Variants in ZFHX3 observed in about 807,000 individuals in gnomAD.
ZFHX3 encodes the protein zinc finger homeobox protein 3.
A neutral mutation model predicts 279.1 loss-of-function variants in ZFHX3; 42 were observed. The ratio of observed to expected loss-of-function variants is 0.15; its 90% CI spans 0.12 to 0.19. The LOEUF (loss-of-function observed/expected upper bound fraction) is 0.19, where lower values mean the gene tolerates loss of function less well. Ranked by LOEUF, ZFHX3 falls within the 10% of genes least tolerant of loss-of-function variation. The pLI is 1.00. For missense variants in ZFHX3, 4,981 were observed against 4,754.0 expected (o/e 1.05, Z -1.40); for synonymous variants, 2,293 against 1,957.8 (o/e 1.17, Z -4.52).
intron 7 of ZFHX3, among the ~76,000 whole-genome samples, chr16:73,127,972 G>T (rs1966601242): frequency 6.6e-6 from 1 of 152,182 alleles, no homozygotes; most frequent in Admixed American, 6.5e-5. Context: ...CAACCTTCCT[G>T]TTCTTTGCTT....
chr16:73,040,977 G>A (rs1333982957), intron 1 of ZFHX3, among the ~76,000 whole-genome samples: 1 of 152,230 alleles, frequency 6.6e-6, no homozygotes, highest in African/African-American at 2.4e-5. Context: ...GGCCTCAGCA[G>A]AGGGTGTAAG....
intron 3 of ZFHX3, among the ~76,000 whole-genome samples, chr16:73,428,747 C>A (rs2017857383): frequency 6.6e-6 from 1 of 152,202 alleles, no homozygotes; most frequent in Non-Finnish European, 1.5e-5. Flanking sequence ...CCACGCTCTC[C>A]ATTGAAGCTC....
At chr16:73,837,635 CT>C (rs1215061119) in intron 1 of ZFHX3, among the ~76,000 whole-genome samples, 1 of 152,004 alleles carries the variant, frequency 6.6e-6, no homozygotes, top group Non-Finnish European at 1.5e-5. Context: ...CTTTTCTTTT[CT>C]TTTCTTTTCT....
intron 1 of ZFHX3, among the ~76,000 whole-genome samples, chr16:73,031,182 A>T (rs1964683570): frequency 6.6e-6 from 1 of 152,248 alleles, no homozygotes; most frequent in Non-Finnish European, 1.5e-5. Context: ...AACGAACTCA[A>T]GTTCTATAAA....
intron 1 of ZFHX3, among the ~76,000 whole-genome samples, chr16:73,755,646 T>G (rs1475248346): frequency 6.6e-6 from 1 of 152,198 alleles, no homozygotes; most frequent in Non-Finnish European, 1.5e-5. Context: ...GGAATTGTCC[T>G]GACAGCTCAC....
At chr16:73,706,270 G>A (rs1011952591) in intron 1 of ZFHX3, among the ~76,000 whole-genome samples, 2 of 151,960 alleles carry the variant, frequency 1.3e-5, no homozygotes, top group African/African-American at 4.8e-5. Context: ...AGACCAACCT[G>A]GCCAACATGG....
intron 5 of ZFHX3, among the ~76,000 whole-genome samples, chr16:73,235,797 A>T (rs1053606579): frequency 2.6e-5 from 4 of 151,878 alleles, no homozygotes; most frequent in Admixed American, 6.6e-5. Flanking sequence ...CAGCCTCCAG[A>T]GCGGCTGGGA....
chr16:72,789,017 C>T, intron 9 of ZFHX3, 169 bp from the exon 10 acceptor site: 1 of 968,800 alleles, frequency 1.0e-6, no homozygotes, highest in South Asian at 2.4e-5. Context: ...CAGGGCTGGA[C>T]AACCTTGTAT....
At chr16:73,642,386 C>T (rs544643409) in intron 2 of ZFHX3, among the ~76,000 whole-genome samples, 1 of 152,300 alleles carries the variant, frequency 6.6e-6, no homozygotes, top group African/African-American at 2.4e-5. Flanking sequence ...GATCCACGCT[C>T]TCTTTTTACT....
chr16:73,246,359 C>A (rs1487522803), intron 5 of ZFHX3, among the ~76,000 whole-genome samples: 1 of 152,172 alleles, frequency 6.6e-6, no homozygotes, highest in African/African-American at 2.4e-5. Flanking sequence ...AGTCACATAT[C>A]TATGAGGTCT....
intron 7 of ZFHX3, chr16:72,807,755 A>G (rs1408648778): frequency 6.6e-6 from 1 of 152,162 alleles, no homozygotes; most frequent in Non-Finnish European, 1.5e-5. Context: ...TACCCCGGAC[A>G]CACCCCATGT....
chr16:72,823,207 T>C (rs2036843229), intron 5 of ZFHX3, among the ~76,000 whole-genome samples: 1 of 152,168 alleles, frequency 6.6e-6, no homozygotes, highest in Admixed American at 6.5e-5. Flanking sequence ...GGCAGGACCA[T>C]GAACCACAAA....
chr16:72,787,182 C>G lies in ZFHX3; in HGVS notation c.11094G>C (p.Thr3698=). Residue 3698 remains threonine, a synonymous_variant, in exon 10 of 10, where the codon ACG becomes ACC. Coordinates refer to ENST00000268489, the MANE Select transcript of ZFHX3 (RefSeq NM_006885.4). Reference sequence around the variant, plus strand: ...TCAAAGCTTACAATCTGAAGGTGTCCGTTCCTACACTGGTCAGACCACTGT... The same window carrying G: ...TCAAAGCTTACAATCTGAAGGTGTCGGTTCCTACACTGGTCAGACCACTGT... ...PKDSGLTSVG[T]DTFRL 1 of 1,569,146 alleles carries G rather than the reference C, an allele frequency of 6.4e-7. No homozygotes were observed.
intron 3 of ZFHX3, among the ~76,000 whole-genome samples, chr16:73,354,943 G>A (rs2016311388): frequency 6.6e-6 from 1 of 152,186 alleles, no homozygotes; most frequent in African/African-American, 2.4e-5. Context: ...TCCACAAAGA[G>A]GATTGATTGG....
chr16:73,680,574 C>G (rs1235489609), intron 1 of ZFHX3, among the ~76,000 whole-genome samples: 1 of 152,100 alleles, frequency 6.6e-6, no homozygotes, highest in Non-Finnish European at 1.5e-5. Context: ...TAATTTATCA[C>G]TAAACACTAT....
chr16:72,872,363 G>A (rs754324853), intron 4 of ZFHX3, among the ~76,000 whole-genome samples: 15 of 152,068 alleles, frequency 9.9e-5, no homozygotes, highest in Non-Finnish European at 1.6e-4. Context: ...CCCTCTTTAA[G>A]GCTTTCTTTT....
chr16:72,970,574 T>C (rs1962060627), intron 1 of ZFHX3, among the ~76,000 whole-genome samples: 1 of 152,136 alleles, frequency 6.6e-6, no homozygotes, highest in African/African-American at 2.4e-5. Flanking sequence ...ACCATTGCTT[T>C]ACCTGACTGT....
chr16:73,319,411 C>T (rs2015526443), intron 3 of ZFHX3, among the ~76,000 whole-genome samples: 1 of 151,962 alleles, frequency 6.6e-6, no homozygotes, highest in African/African-American at 2.4e-5. Flanking sequence ...AAGGAGAATC[C>T]ACATCTTTAA....
At chr16:73,039,946 A>G (rs899663641) in intron 1 of ZFHX3, among the ~76,000 whole-genome samples, 3 of 152,196 alleles carry the variant, frequency 2.0e-5, no homozygotes, top group African/African-American at 7.2e-5. Flanking sequence ...AAGCAATGTG[A>G]GGAAATGAAA....
Sources: gnomAD v4.1 joint callset for allele counts (sites outside exome capture counted in the v4.1 genomes callset) on GRCh38, gnomAD v4.1.1 for gene constraint, MANE v1.5 for transcripts, NCBI Gene and HGNC (gene_info 2026-07-23, HGNC 2026-07-21) for gene names.